NAALADL2: variants seen among roughly 807,000 people sequenced by gnomAD.
NAALADL2 encodes inactive N-acetylated-alpha-linked acidic dipeptidase-like protein 2.
In NAALADL2, 76 loss-of-function variants were observed where a neutral mutation model predicts 87.2. That is an observed-to-expected ratio of 0.87 (90% CI 0.72 to 1.05). NAALADL2 has a LOEUF of 1.05. Among genes scored for constraint, NAALADL2 ranks in the 50% least tolerant of loss-of-function variants. The pLI, the probability that NAALADL2 is intolerant of heterozygous loss-of-function variation, is 0.00. For missense variants in NAALADL2, 1,089 were observed against 945.8 expected (o/e 1.15, Z -1.99); for synonymous variants, 354 against 331.0 (o/e 1.07, Z -0.75).
chr3:175,678,160 A>G (rs546179573), intron 11 of NAALADL2, among the ~76,000 whole-genome samples: 1 of 152,342 alleles, frequency 6.6e-6, no homozygotes, highest in Admixed American at 6.5e-5. Context: ...TGTATATTTT[A>G]TCATTGAAAA....
chr3:175,157,373 A>G (rs1732484230), intron 2 of NAALADL2, among the ~76,000 whole-genome samples: 1 of 152,106 alleles, frequency 6.6e-6, no homozygotes. Flanking sequence ...AATTCTCAAA[A>G]CATCAGTTTT....
intron 11 of NAALADL2, among the ~76,000 whole-genome samples, chr3:175,686,476 G>A (rs1175970272): frequency 6.6e-6 from 1 of 152,064 alleles, no homozygotes; most frequent in Admixed American, 6.5e-5. Context: ...TTTAATTAAT[G>A]TATGTTTTAA....
chr3:174,473,278 C>T (rs1381703797), intron 1 of NAALADL2, among the ~76,000 whole-genome samples: 2 of 152,094 alleles, frequency 1.3e-5, no homozygotes, highest in East Asian at 3.9e-4. Flanking sequence ...TTTTGAAAAC[C>T]TCTGTGACAA....
intron 3 of NAALADL2, among the ~76,000 whole-genome samples, chr3:174,804,314 T>A (rs1360106652): frequency 6.6e-6 from 1 of 152,180 alleles, no homozygotes; most frequent in Non-Finnish European, 1.5e-5. Context: ...GCACATTGAT[T>A]TTGTATCCTG....
In NAALADL2 at chr3:175,182,715, G is replaced by A. The variant is rs533454949; in HGVS notation, c.546-51216G>A. Among the ~76,000 whole-genome samples the A allele has an allele frequency of 6.7e-4, 102 of 151,332 alleles. 1 individual carries two copies. Among genetic ancestry groups the A allele is most frequent in the South Asian group, 6.2e-3 (30 of 4,804 alleles). ...CCTGCCAAAAGGGTTTTTTGTGTTT[G>A]TTTTTTTATTTTGTTTTAGTTTGAC... On this transcript the variant is annotated intron_variant, in intron 2 of 13. Transcript: ENST00000454872.
chr3:175,593,721 C>T (rs1041564692), intron 10 of NAALADL2, among the ~76,000 whole-genome samples: 1 of 151,830 alleles, frequency 6.6e-6, no homozygotes, highest in African/African-American at 2.4e-5. Context: ...CCCTTGTCTG[C>T]TTTTGTGTCC....
At chr3:175,543,060 T>A (rs1223777102) in intron 9 of NAALADL2, among the ~76,000 whole-genome samples, 1 of 152,220 alleles carries the variant, frequency 6.6e-6, no homozygotes, top group Non-Finnish European at 1.5e-5. Context: ...CTTACATGAA[T>A]CCAATTTTAT....
At chr3:175,759,830 T>A (rs571817689) in intron 13 of NAALADL2, among the ~76,000 whole-genome samples, 65 of 152,230 alleles carry the variant, frequency 4.3e-4, no homozygotes, top group African/African-American at 1.4e-3. Flanking sequence ...TGAATGGTTA[T>A]TGGGTTAGTG....
chr3:174,627,276 G>C (rs115258407), intron 2 of NAALADL2, among the ~76,000 whole-genome samples: 1 of 152,018 alleles, frequency 6.6e-6, no homozygotes, highest in Non-Finnish European at 1.5e-5. Context: ...GAAGATACAC[G>C]TCATAGAGTT....
At chr3:175,784,134 G>A (rs1174922387) in intron 13 of NAALADL2, among the ~76,000 whole-genome samples, 5 of 148,934 alleles carry the variant, frequency 3.4e-5, no homozygotes, top group Non-Finnish European at 7.4e-5. Flanking sequence ...TTTGCATCAA[G>A]GTTCATCAAG....
intron 11 of NAALADL2, chr3:175,718,223 T>TTTTTTTTTTTG: frequency 1.1e-4 from 114 of 1,009,294 alleles, no homozygotes; most frequent in Middle Eastern, 3.3e-4. Flanking sequence ...TTTTTTTTTT[T>TTTTTTTTTTTG]GATTAGTTGC....
At chr3:174,831,368 T>C (rs1579111140) in intron 3 of NAALADL2, among the ~76,000 whole-genome samples, 1 of 146,298 alleles carries the variant, frequency 6.8e-6, no homozygotes, top group East Asian at 1.9e-4. Flanking sequence ...GAGAAAATCA[T>C]GTGGTTTTTG....
chr3:174,922,831 A>C (rs540043859), intron 1 of NAALADL2, among the ~76,000 whole-genome samples: 1 of 152,290 alleles, frequency 6.6e-6, no homozygotes, highest in East Asian at 1.9e-4. Flanking sequence ...TGATATCAAG[A>C]CATATTAGTA....
rs199624428 is a variant in NAALADL2, at chr3:175,127,380, A to AT, written c.545+30090dup. On this transcript the variant is annotated intron_variant, in intron 2 of 13. Coordinates refer to ENST00000454872, the MANE Select transcript of NAALADL2 (RefSeq NM_207015.3). ...ATTTCCAAAGATTCATGAAGTTTAC[A>AT]TAGCAAGTCTATGAATAGCAGAAAT... Among the ~76,000 whole-genome samples, 833 of 152,274 alleles carry AT rather than the reference A, an allele frequency of 5.5e-3. 8 individuals are homozygous for AT. Among genetic ancestry groups the AT allele is most frequent in the Middle Eastern group, 0.014 (4 of 294 alleles).
chr3:174,725,891 T>G (rs1322159169), intron 2 of NAALADL2, among the ~76,000 whole-genome samples: 1 of 152,202 alleles, frequency 6.6e-6, no homozygotes, highest in Non-Finnish European at 1.5e-5. Flanking sequence ...AACTATACTT[T>G]TGCTTCTCTT....
chr3:174,914,176 C>T (rs1734067587), intron 1 of NAALADL2, among the ~76,000 whole-genome samples: 1 of 151,722 alleles, frequency 6.6e-6, no homozygotes, highest in South Asian at 2.1e-4. Context: ...GATTCTCCTG[C>T]CTCAGCCTCC....
At chr3:175,387,524 G>A (rs59182048) in intron 5 of NAALADL2, among the ~76,000 whole-genome samples, 26,172 of 151,846 alleles carry the variant, frequency 0.17, 2,390 homozygotes, top group African/African-American at 0.23. Context: ...ATAAATTTAG[G>A]AACTGTTTTA....
intron 2 of NAALADL2, among the ~76,000 whole-genome samples, chr3:174,593,756 A>G (rs917903114): frequency 3.3e-5 from 5 of 152,054 alleles, no homozygotes; most frequent in African/African-American, 4.8e-5. Flanking sequence ...AACTAATTTT[A>G]TCTCCTCACC....
chr3:175,795,187 T>C (rs1753307710), intron 13 of NAALADL2, among the ~76,000 whole-genome samples: 1 of 152,230 alleles, frequency 6.6e-6, no homozygotes, highest in Admixed American at 6.5e-5. Context: ...ATTCAGTCTA[T>C]AACAATGGTT....
Sources: gnomAD v4.1 joint callset for allele counts (sites outside exome capture counted in the v4.1 genomes callset) on GRCh38, gnomAD v4.1.1 for gene constraint, MANE v1.5 for transcripts, NCBI Gene and HGNC (gene_info 2026-07-23, HGNC 2026-07-21) for gene names.